Variants in RAPGEF2 observed in about 807,000 individuals in gnomAD.
RAPGEF2 encodes PDZ domain containing guanine nucleotide exchange factor (GEF) 1.
Under a neutral mutation model 186.7 loss-of-function variants are expected in RAPGEF2, and 54 were observed. That is an observed-to-expected ratio of 0.29 (90% confidence interval 0.23 to 0.36). RAPGEF2 has a LOEUF of 0.36. Ranked by LOEUF, RAPGEF2 falls within the 10% of genes least tolerant of loss-of-function variation. The pLI is 1.00. For synonymous variants in RAPGEF2, 712 were observed against 705.9 expected (o/e 1.01, Z -0.14); for missense variants, 1,532 against 2,045.0 (o/e 0.75, Z 4.84).
chr4:159,277,365 G>A (rs10033866), intron 7 of RAPGEF2, among the ~76,000 whole-genome samples: 95,834 of 151,976 alleles, frequency 0.63, 31,627 homozygotes, highest in African/African-American at 0.8. Flanking sequence ...GCTATTGTGA[G>A]TAGTGCCACA....
chr4:159,237,240 C>T (rs142802972), intron 4 of RAPGEF2, among the ~76,000 whole-genome samples: 2,467 of 152,124 alleles, frequency 0.016, 71 homozygotes, highest in African/African-American at 0.055. Context: ...AAGCTGGTCT[C>T]GAACTCCTGG....
chr4:159,179,378 G>A (rs965462497), intron 1 of RAPGEF2, among the ~76,000 whole-genome samples: 18 of 152,068 alleles, frequency 1.2e-4, no homozygotes, highest in Non-Finnish European at 1.8e-4. Context: ...TTCTATAGTT[G>A]TTGGTTGAAA....
At position 159,359,828 on chromosome 4, in the gene RAPGEF2, A is replaced by T. The variant is rs1413806571; in HGVS notation, c.*1689A>T. The T allele has an allele frequency of 6.6e-6, 1 of 152,236 alleles. No homozygotes were observed. Among genetic ancestry groups the T allele is most frequent in the Non-Finnish European group, 1.5e-5 (1 of 68,032 alleles). The allele number at this position is 152,236 out of a possible 1,614,324, so 9.4% of individuals were successfully genotyped here. ...ATGGACCTCATGTGCATATAGAAAG[A>T]CAGAAATCTAGCTCTACCACAAGTT... On this transcript the variant is annotated 3_prime_UTR_variant, in exon 30 of 30. Coordinates refer to ENST00000691494, the MANE Select transcript of RAPGEF2 (RefSeq NM_001394067.2).
intron 1 of RAPGEF2, among the ~76,000 whole-genome samples, chr4:159,109,031 T>C (rs904005042): frequency 6.6e-6 from 1 of 152,112 alleles, no homozygotes; most frequent in African/African-American, 2.4e-5. Context: ...TTGGTGATAA[T>C]TTGAAATTCA....
rs1188421792 is a variant in RAPGEF2 at position 159,358,621 on chromosome 4, T to G, written c.*482T>G. ...CACCAAGGAAGACAAAGAAAAACAA[T>G]GAAATCCTTTGAGTACAGTGCTTGT... On this transcript the variant is annotated 3_prime_UTR_variant, in exon 30 of 30. Coordinates refer to ENST00000691494, the MANE Select transcript of RAPGEF2 (RefSeq NM_001394067.2). 6.5e-6 allele frequency: 1 copy of G among 155,006 alleles called. No homozygotes were observed. Among genetic ancestry groups the G allele is most frequent in the East Asian group, 1.9e-4 (1 of 5,256 alleles). 9.6% of individuals were successfully genotyped at this position (155,006 alleles called of 1,614,324 possible). A position where few individuals can be genotyped will look rare whatever the true frequency, so the allele number is the denominator to read the frequency against.
chr4:159,145,360 GA>G (rs1214474595), intron 1 of RAPGEF2, among the ~76,000 whole-genome samples: 1 of 152,108 alleles, frequency 6.6e-6, no homozygotes, highest in Non-Finnish European at 1.5e-5. Context: ...AAGGTAAAAT[GA>G]AATGGATAAA....
At position 159,247,795 on chromosome 4, in the gene RAPGEF2, C is replaced by T. The variant is rs1754826707; in HGVS notation, c.543+4004C>T. On this transcript the variant is annotated intron_variant, in intron 7 of 29. Coordinates refer to ENST00000691494, the MANE Select transcript of RAPGEF2 (RefSeq NM_001394067.2). ...TTTTTTTTTTTGAGGCAGAATTTCA[C>T]TCTTGTTGCACAGGCTGGAGTGCAA... 3.7e-5 allele frequency among the ~76,000 whole-genome samples: 4 copies of T among 108,920 alleles called. No individual in the cohort carries two copies. In the South Asian group the frequency reaches 9.2e-4, roughly 25 times the overall value. 71.5% of individuals were successfully genotyped at this position (108,920 alleles called of 152,430 possible).
At chr4:159,295,754 T>TGCGCGC (rs66478721) in intron 7 of RAPGEF2, among the ~76,000 whole-genome samples, 5 of 113,928 alleles carry the variant, frequency 4.4e-5, no homozygotes, top group East Asian at 3.4e-4. Context: ...TGTGTGTGTG[T>TGCGCGC]GCGCGCGCGC....
intron 7 of RAPGEF2, among the ~76,000 whole-genome samples, chr4:159,261,264 G>C (rs915447065): frequency 6.6e-6 from 1 of 150,894 alleles, no homozygotes; most frequent in East Asian, 2.0e-4. Context: ...GGGTTTCACT[G>C]TGTTAGCCAG....
chr4:159,358,596 C>T lies in RAPGEF2; in HGVS notation c.*457C>T, dbSNP rs1732374170. 1 of 158,710 alleles carries T rather than the reference C, an allele frequency of 6.3e-6. No homozygotes were observed. The highest frequency in any genetic ancestry group is 2.4e-5 in the African/African-American group (1 of 41,614). The allele number at this position is 158,710 out of a possible 1,614,324, so 9.8% of individuals were successfully genotyped here. A position where few individuals can be genotyped will look rare whatever the true frequency, so the allele number is the denominator to read the frequency against. ...ATTGAACTACTTGGGGCCTTTAACC[C>T]ACCAAGGAAGACAAAGAAAAACAAT... On this transcript the variant is annotated 3_prime_UTR_variant, in exon 30 of 30. Transcript: ENST00000691494.
chr4:159,146,555 T>G (rs894626861), intron 1 of RAPGEF2, among the ~76,000 whole-genome samples: 1 of 152,216 alleles, frequency 6.6e-6, no homozygotes, highest in African/African-American at 2.4e-5. Context: ...ATGAGGTAGA[T>G]GCTACTACTG....
intron 3 of RAPGEF2, among the ~76,000 whole-genome samples, chr4:159,202,586 TC>T (rs1749555905): frequency 1.3e-5 from 2 of 152,240 alleles, no homozygotes; most frequent in African/African-American, 4.8e-5. Flanking sequence ...TCCTTGTCAG[TC>T]CCCCTTGGCT....
intron 1 of RAPGEF2, among the ~76,000 whole-genome samples, chr4:159,159,881 T>C (rs1007176439): frequency 6.6e-6 from 1 of 152,202 alleles, no homozygotes; most frequent in Admixed American, 6.5e-5. Flanking sequence ...TCTCAGATCA[T>C]CAGGTGGATG....
chr4:159,219,987 A>G (rs1316660812), intron 4 of RAPGEF2, among the ~76,000 whole-genome samples: 1 of 152,206 alleles, frequency 6.6e-6, no homozygotes, highest in African/African-American at 2.4e-5. Flanking sequence ...AGAGATAAAA[A>G]GTGTTTTGAG....
chr4:159,108,661 C>G (rs1185299115), intron 1 of RAPGEF2, among the ~76,000 whole-genome samples: 1 of 151,998 alleles, frequency 6.6e-6, no homozygotes, highest in Non-Finnish European at 1.5e-5. Flanking sequence ...TTTAAAGAAT[C>G]ACAATAAGGT....
intron 9 of RAPGEF2, among the ~76,000 whole-genome samples, chr4:159,317,198 G>A (rs762177108): frequency 3.3e-5 from 5 of 152,094 alleles, no homozygotes; most frequent in Admixed American, 1.3e-4. Flanking sequence ...CAAAACCTTA[G>A]ATTAGACATT....
At chr4:159,251,671 G>A (rs1755417201) in intron 7 of RAPGEF2, among the ~76,000 whole-genome samples, 1 of 152,080 alleles carries the variant, frequency 6.6e-6, no homozygotes, top group Non-Finnish European at 1.5e-5. Flanking sequence ...CTAGAGGGTT[G>A]TAAATGCACC....
At chr4:159,300,908 G>A (rs1762582803) in intron 7 of RAPGEF2, among the ~76,000 whole-genome samples, 1 of 152,120 alleles carries the variant, frequency 6.6e-6, no homozygotes, top group Admixed American at 6.6e-5. Context: ...ACCCCTACAT[G>A]GTTTGTTTGC....
At chr4:159,206,407 T>C (rs566571602) in intron 3 of RAPGEF2, among the ~76,000 whole-genome samples, 3 of 152,294 alleles carry the variant, frequency 2.0e-5, no homozygotes, top group African/African-American at 7.2e-5. Context: ...TCTGTACTAT[T>C]ATTATTATTG....
Sources: allele counts gnomAD v4.1 joint callset (sites outside exome capture counted in the v4.1 genomes callset), GRCh38; gene constraint gnomAD v4.1.1; transcripts MANE v1.5; gene names NCBI Gene and HGNC (gene_info 2026-07-23, HGNC 2026-07-21).